KIAA1217: variants seen among roughly 807,000 people sequenced by gnomAD.
KIAA1217 encodes sickle tail protein homolog.
In KIAA1217, 88 loss-of-function variants were observed where a neutral mutation model predicts 163.9. The observed-to-expected ratio is 0.54, with a 90% CI of 0.45 to 0.64. The LOEUF is 0.64. KIAA1217 is among the 30% of genes least tolerant of loss of function. The pLI is 0.00. For missense variants in KIAA1217, 2,372 were observed against 2,475.0 expected (o/e 0.96, Z 0.88); for synonymous variants, 903 against 923.1 (o/e 0.98, Z 0.39).
At chr10:23,936,167 TCTC>T (rs1310339781) in intron 1 of KIAA1217, among the ~76,000 whole-genome samples, 1 of 152,136 alleles carries the variant, frequency 6.6e-6, no homozygotes, top group Non-Finnish European at 1.5e-5. Flanking sequence ...GCTACAGTCT[TCTC>T]AGTTATTCCA....
intron 1 of KIAA1217, among the ~76,000 whole-genome samples, chr10:23,936,898 T>TG (rs1272492012): frequency 2.0e-5 from 3 of 152,132 alleles, no homozygotes; most frequent in Non-Finnish European, 4.4e-5. Context: ...TCTTTTTTTT[T>TG]GACAGTGTTT....
At chr10:24,316,798 G>A (rs536187768) in intron 2 of KIAA1217, among the ~76,000 whole-genome samples, 30 of 152,214 alleles carry the variant, frequency 2.0e-4, no homozygotes, top group African/African-American at 6.7e-4. Context: ...ATATATTTCC[G>A]AGCCAGAGAT....
chr10:24,094,877 T>G (rs549518291), intron 2 of KIAA1217, among the ~76,000 whole-genome samples: 10 of 152,326 alleles, frequency 6.6e-5, no homozygotes, highest in Admixed American at 6.5e-4. Flanking sequence ...TGAGCTGTGG[T>G]GGGCTCCACC....
intron 1 of KIAA1217, among the ~76,000 whole-genome samples, chr10:23,852,832 A>G (rs1000525896): frequency 1.1e-4 from 17 of 152,296 alleles, no homozygotes; most frequent in Non-Finnish European, 2.1e-4. Flanking sequence ...TTGCTGGTGT[A>G]TAAGAATGCT....
rs896477324 is a variant in KIAA1217 at position 23,980,998 on chromosome 10, A to G, written c.-320-26227A>G. Among the ~76,000 whole-genome samples, 9 of 152,346 alleles carry G rather than the reference A, an allele frequency of 5.9e-5. No homozygotes were observed. In the East Asian group the frequency reaches 1.5e-3, roughly 26 times the overall value. ...TCAACATTAGGCAATATGTCCATCA[A>G]GTAACTTTAGTTGCGTGGTCAATTG... is the stretch of plus-strand genomic sequence containing the variant. On this transcript the variant is annotated intron_variant, in intron 1 of 18. Transcript: ENST00000376462.
At chr10:24,282,768 A>G (rs1454696703) in intron 2 of KIAA1217, among the ~76,000 whole-genome samples, 1 of 148,122 alleles carries the variant, frequency 6.8e-6, no homozygotes, top group African/African-American at 2.5e-5. Flanking sequence ...AAAATCAACC[A>G]TCTCTCTAAG....
At chr10:23,762,814 A>G (rs1834326931) in intron 1 of KIAA1217, among the ~76,000 whole-genome samples, 1 of 152,226 alleles carries the variant, frequency 6.6e-6, no homozygotes, top group Admixed American at 6.5e-5. Context: ...ATAGGAAGAG[A>G]GGAAGTCAAA....
chr10:23,736,669 C>T (rs968801900), intron 1 of KIAA1217, among the ~76,000 whole-genome samples: 10 of 152,224 alleles, frequency 6.6e-5, no homozygotes, highest in African/African-American at 2.4e-4. Flanking sequence ...ACCACAGGGA[C>T]ATACCACCAT....
chr10:24,194,021 T>C (rs1031387531), intron 2 of KIAA1217, among the ~76,000 whole-genome samples: 3 of 151,894 alleles, frequency 2.0e-5, no homozygotes, highest in Admixed American at 1.3e-4. Context: ...ACCCCATCTC[T>C]ACTAAAAATA....
At position 23,862,023 on chromosome 10, in the gene KIAA1217, G is replaced by A. The variant is rs913209172; in HGVS notation, c.-320-145202G>A. Among the ~76,000 whole-genome samples the A allele has an allele frequency of 2.6e-5, 4 of 152,184 alleles. No individual in the cohort carries two copies. In the East Asian group the frequency reaches 7.7e-4, roughly 29 times the overall value. On this transcript the variant is annotated intron_variant, in intron 1 of 18. Coordinates refer to the KIAA1217 transcript ENST00000376462. ...GCTGTGACCAGAGTCATAGACTTTA[G>A]TTCTGAACTGGTCAATATTGTGAAG...
At chr10:24,202,907 G>A (rs575902030) in intron 2 of KIAA1217, among the ~76,000 whole-genome samples, 12 of 152,238 alleles carry the variant, frequency 7.9e-5, no homozygotes, top group Admixed American at 4.6e-4. Context: ...TAGGTATACC[G>A]GGCCAGGGGC....
At chr10:24,520,651 A>AAAATATAT (rs1554926857) in intron 11 of KIAA1217, among the ~76,000 whole-genome samples, 14 of 39,650 alleles carry the variant, frequency 3.5e-4, no homozygotes, top group African/African-American at 5.3e-4. Flanking sequence ...AAAAAAAAAA[A>AAAATATAT]ATATATATAT....
intron 1 of KIAA1217, among the ~76,000 whole-genome samples, chr10:23,726,029 C>A (rs7912025): frequency 0.018 from 2,683 of 152,216 alleles, 79 homozygotes; most frequent in African/African-American, 0.062. Context: ...AAAAAGGGAC[C>A]ATTCTGTATG....
rs558664723 is a variant in KIAA1217 at position 24,066,336 on chromosome 10, T to C, written c.-171+58962T>C. Among the ~76,000 whole-genome samples, 4 of 152,344 alleles carry C rather than the reference T, an allele frequency of 2.6e-5. No homozygotes were observed. In the East Asian group the frequency reaches 5.8e-4, roughly 22 times the overall value. On this transcript the variant is annotated intron_variant, in intron 2 of 18. Coordinates refer to the KIAA1217 transcript ENST00000376462. ...TTCAGGAGCTCTTTTAGGGCAGGCCTGGTGGTGACAAAATCTCTCAGCATT... is the reference window on the plus strand; with the variant it reads ...TTCAGGAGCTCTTTTAGGGCAGGCCCGGTGGTGACAAAATCTCTCAGCATT...
At chr10:24,003,558 C>T (rs1846850868) in intron 1 of KIAA1217, among the ~76,000 whole-genome samples, 1 of 152,140 alleles carries the variant, frequency 6.6e-6, no homozygotes, top group Non-Finnish European at 1.5e-5. Context: ...TACTTTCTTG[C>T]ATTTCTATCT....
intron 2 of KIAA1217, among the ~76,000 whole-genome samples, chr10:24,378,027 A>G (rs534965661): frequency 1.2e-3 from 181 of 152,270 alleles, no homozygotes; most frequent in African/African-American, 4.1e-3. Context: ...CTCTCTGAAG[A>G]TCGTGGGGGT....
chr10:24,207,553 A>G (rs2067631181), upstream of KIAA1217, among the ~76,000 whole-genome samples: 1 of 152,232 alleles, frequency 6.6e-6, no homozygotes, highest in African/African-American at 2.4e-5. Flanking sequence ...TTAAAGCAAG[A>G]TTGCCAGGTA....
chr10:23,881,341 G>T (rs1026619731), intron 1 of KIAA1217, among the ~76,000 whole-genome samples: 1 of 151,876 alleles, frequency 6.6e-6, no homozygotes, highest in Non-Finnish European at 1.5e-5. Context: ...AACAATTAGT[G>T]GTTGCTAGAG....
chr10:23,747,162 A>G (rs1839458712), intron 1 of KIAA1217, among the ~76,000 whole-genome samples: 1 of 152,178 alleles, frequency 6.6e-6, no homozygotes, highest in African/African-American at 2.4e-5. Context: ...CTGATTTGGC[A>G]AAGAAAAATA....
Sources: allele counts gnomAD v4.1 joint callset (sites outside exome capture counted in the v4.1 genomes callset), GRCh38; gene constraint gnomAD v4.1.1; transcripts MANE v1.5; gene names NCBI Gene and HGNC (gene_info 2026-07-23, HGNC 2026-07-21).